The following ESPNL variants were observed in gnomAD, a reference collection of about 807,000 sequenced individuals.
ESPNL encodes espin-like protein.
ESPNL carries 49 observed loss-of-function variants against 46.8 expected under a neutral mutation model. The ratio of observed to expected loss-of-function variants is 1.05; its 90% CI spans 0.83 to 1.33. ESPNL has a LOEUF of 1.33. ESPNL is among the 40% of genes most tolerant of loss of function. ESPNL has a pLI of 0.00. For synonymous variants in ESPNL, 664 were observed against 662.1 expected (o/e 1.00, Z -0.04); for missense variants, 1,540 against 1,436.6 (o/e 1.07, Z -1.16).
intron 2 of ESPNL, among the ~76,000 whole-genome samples, chr2:238,102,527 GGACT>G (rs1691508160): frequency 6.6e-6 from 1 of 152,202 alleles, no homozygotes; most frequent in African/African-American, 2.4e-5. Flanking sequence ...ACAGGAGTGG[GGACT>G]GTCTAGTGGA....
At position 238,123,355 on chromosome 2, in the gene ESPNL, G is replaced by A. The variant is rs907667887; in HGVS notation, c.988-1915G>A. ...AGGTCTCCAGTGAGACTCTCATCCC[G>A]GCTCTGCGGCAGCCCGGCTGTGGGG... On this transcript the variant is annotated intron_variant, in intron 5 of 8. Transcript: ENST00000343063. Among the ~76,000 whole-genome samples the A allele has an allele frequency of 5.3e-5, 8 of 152,318 alleles. 1 individual carries two copies. The South Asian group carries it at 8.3e-4, about 16-fold the overall frequency.
chr2:238,100,466 C>T lies in ESPNL; in HGVS notation c.47C>T (p.Ala16Val), dbSNP rs759308208. ...ALVAAKDGDV[A>V]TLERLLEAGA... Reference sequence around the variant, plus strand: ...GTGGCCGCCAAGGATGGGGATGTGGCGACGTTGGAGCGGCTGCTGGAGGCT... The same window carrying T: ...GTGGCCGCCAAGGATGGGGATGTGGTGACGTTGGAGCGGCTGCTGGAGGCT... The change falls in exon 1 of 9, where the codon GCG (alanine) becomes GTG (valine). Residue 16 changes from alanine (A) to valine (V), a missense_variant. Ala to Val is a moderately conservative substitution (Grantham distance 64). Transcript: ENST00000343063. The T allele has an allele frequency of 2.9e-5, 46 of 1,604,856 alleles. No individual in the cohort carries two copies. Among genetic ancestry groups the T allele is most frequent in the African/African-American group, 1.2e-4 (9 of 74,698 alleles).
chr2:238,129,454 G>A (rs1692230171), intron 8 of ESPNL, among the ~76,000 whole-genome samples: 1 of 152,166 alleles, frequency 6.6e-6, no homozygotes, highest in Non-Finnish European at 1.5e-5. Context: ...GCCGGGGGAG[G>A]AGCAGGAGGA....
At chr2:238,107,659 G>T (rs1559259379) in intron 3 of ESPNL, 132 bp from the exon 4 acceptor site, 1 of 929,644 alleles carries the variant, frequency 1.1e-6, no homozygotes, top group East Asian at 2.8e-5. Context: ...CCTGTCCGGG[G>T]TTTCCTGAGG....
intron 4 of ESPNL, among the ~76,000 whole-genome samples, chr2:238,110,922 G>T (rs778855165): frequency 7.6e-5 from 11 of 145,510 alleles, no homozygotes; most frequent in Admixed American, 4.8e-4. Context: ...AATAGGTTTT[G>T]TGTTTCAGTA....
Position 238,128,892 on chromosome 2 carries a change from C to G in ESPNL, c.1401C>G (p.Ser467=). ...AGGCGCGCCTGGGCGCAGAGAGCTCCGCAGAGGCCCAGGTAGGCCCCCGGC... is the reference window on the plus strand; with the variant it reads ...AGGCGCGCCTGGGCGCAGAGAGCTCGGCAGAGGCCCAGGTAGGCCCCCGGC... ...KLQARLGAES[S]AEAQDNGGSS... The change falls in exon 8 of 9, where the codon TCC becomes TCG. Residue 467 remains serine (S), a synonymous_variant. Coordinates refer to ENST00000343063, the MANE Select transcript of ESPNL (RefSeq NM_194312.4). 1 of 1,541,624 alleles carries G rather than the reference C, an allele frequency of 6.5e-7. No individual in the cohort carries two copies. Among genetic ancestry groups the G allele is most frequent in the Non-Finnish European group, 8.7e-7 (1 of 1,145,714 alleles).
intron 3 of ESPNL, 38 bp downstream of exon 3, chr2:238,104,880 G>T (rs1032718133): frequency 1.4e-6 from 2 of 1,418,034 alleles, no homozygotes. Flanking sequence ...GACATCCAGG[G>T]AGTGTGGGCC....
chr2:238,129,342 A>T, intron 8 of ESPNL: 2 of 777,092 alleles, frequency 2.6e-6, no homozygotes, highest in Non-Finnish European at 3.1e-6. Flanking sequence ...CGTGGCCTTG[A>T]GCAGGGGCCA....
At chr2:238,108,015 G>C in intron 4 of ESPNL, 42 bp downstream of exon 4, 1 of 1,561,390 alleles carries the variant, frequency 6.4e-7, no homozygotes, top group Non-Finnish European at 8.7e-7. Flanking sequence ...AGTCACAAGT[G>C]CCAGCCATGC....
intron 5 of ESPNL, among the ~76,000 whole-genome samples, chr2:238,119,071 AAGAGGGTGAATGGAGGAGAGTGGAT>A (rs1691908758): frequency 9.4e-6 from 1 of 106,154 alleles, no homozygotes; most frequent in South Asian, 3.1e-4. Flanking sequence ...GGATGGATGG[AAGAGGGTGAATGGAGGAGAGTGGAT>A]GGAAGAGGAT....
At chr2:238,109,869 T>C (rs1462423211) in intron 4 of ESPNL, among the ~76,000 whole-genome samples, 168 of 130,168 alleles carry the variant, frequency 1.3e-3, no homozygotes, top group Non-Finnish European at 1.9e-3. Flanking sequence ...TAGGATGCCA[T>C]ACGTTACCGA....
intron 6 of ESPNL, among the ~76,000 whole-genome samples, chr2:238,127,123 C>CTGTG (rs1559267267): frequency 1.2e-4 from 17 of 146,052 alleles, no homozygotes; most frequent in South Asian, 6.6e-4. Context: ...GTGATTGTGT[C>CTGTG]TGTGTCTGTG....
rs1692078224 is a variant in ESPNL, at chr2:238,125,272, G to T, written c.990G>T (p.Val330=). 6.7e-7 allele frequency: 1 copy of T among 1,493,688 alleles called. No homozygotes were observed. The allele number at this position is 1,493,688 out of a possible 1,614,324, so 92.5% of individuals were successfully genotyped here. A position where few individuals can be genotyped will look rare whatever the true frequency, so the allele number is the denominator to read the frequency against. Reference sequence around the variant, plus strand: ...TGACCAGGCCCATTCACCCACAGGTGCCCCTGCTGATGACGCCCCCACCAC... The same window carrying T: ...TGACCAGGCCCATTCACCCACAGGTTCCCCTGCTGATGACGCCCCCACCAC... The part of the protein sequence containing the change: ...AQYLREVAQP[V]PLLMTPPPPP... Residue 330 remains valine, a splice_region_variant and synonymous_variant, in exon 6 of 9, where the codon GTG becomes GTT. Transcript: ENST00000343063.
chr2:238,130,030 C>T, intron 8 of ESPNL, 98 bp from the exon 9 acceptor site: 2 of 1,351,464 alleles, frequency 1.5e-6, no homozygotes, highest in East Asian at 2.4e-5. Flanking sequence ...GGACCAGAGG[C>T]TCTGCAGAGA....
intron 3 of ESPNL, among the ~76,000 whole-genome samples, chr2:238,106,721 G>T (rs1022575261): frequency 1.4e-4 from 12 of 85,276 alleles, no homozygotes; most frequent in Admixed American, 2.0e-4. Context: ...ACCACAGGGG[G>T]TCCTGAGGGA....
rs151181147 is a variant in ESPNL, at chr2:238,117,394, G to A, written c.987+360G>A. Reference sequence around the variant, plus strand: ...CGGCCTGGGCTTGTGGCTGGAACTTGGCCAGGCCATGCCTTTCGTCTGGGT... The same window carrying A: ...CGGCCTGGGCTTGTGGCTGGAACTTAGCCAGGCCATGCCTTTCGTCTGGGT... On this transcript the variant is annotated intron_variant, in intron 5 of 8. Transcript: ENST00000343063. Among the ~76,000 whole-genome samples, 683 of 152,342 alleles carry A rather than the reference G, an allele frequency of 4.5e-3. 7 individuals carry two copies. The highest frequency in any genetic ancestry group is 0.015 in the African/African-American group (641 of 41,576).
chr2:238,118,142 T>C (rs1691858126), intron 5 of ESPNL, among the ~76,000 whole-genome samples: 1 of 122,562 alleles, frequency 8.2e-6, no homozygotes, highest in Admixed American at 8.3e-5. Flanking sequence ...AAGGAATGGA[T>C]GGAGGAGGGT....
At chr2:238,101,700 A>C (rs1325006844) in intron 1 of ESPNL, among the ~76,000 whole-genome samples, 1 of 152,188 alleles carries the variant, frequency 6.6e-6, no homozygotes, top group Non-Finnish European at 1.5e-5. Context: ...AGGAGAGGGC[A>C]GGGTTGCCAG....
Position 238,104,796 on chromosome 2 carries a change from T to G in ESPNL, c.626T>G (p.Leu209Arg), listed in dbSNP as rs1189775534. 6.3e-7 allele frequency: 1 copy of G among 1,574,804 alleles called. No individual in the cohort carries two copies. Among genetic ancestry groups the G allele is most frequent in the Non-Finnish European group, 8.6e-7 (1 of 1,162,394 alleles). ...CGTGCTCTCGATGGCATGAGCGCCC[T>G]GCACGCTGCCGCCGCCCGTGGCCAC... ...HLRALDGMSA[L>R]HAAAARGHYS... Residue 209 changes from leucine (L) to arginine (R), a missense_variant, in exon 3 of 9, where the codon CTG becomes CGG. Leu to Arg is a moderately radical substitution (Grantham distance 102). Transcript: ENST00000343063.
Sources: allele counts gnomAD v4.1 joint callset (sites outside exome capture counted in the v4.1 genomes callset), GRCh38; gene constraint gnomAD v4.1.1; transcripts MANE v1.5; gene names NCBI Gene and HGNC (gene_info 2026-07-23, HGNC 2026-07-21).